The following ATAD5 variants were observed in gnomAD, a reference collection of about 807,000 sequenced individuals.
ATAD5 encodes the protein ATPase family AAA domain containing 5.
In ATAD5, 58 loss-of-function variants were observed where a neutral mutation model predicts 176.9. The ratio of observed to expected loss-of-function variants is 0.33; its 90% CI spans 0.27 to 0.41. The LOEUF is 0.41. ATAD5 is among the 10% of genes least tolerant of loss of function. The probability of loss-of-function intolerance (pLI) is 1.00; values close to 1 mark genes in which losing one functional copy is unlikely to be tolerated. For missense variants in ATAD5, 1,789 were observed against 2,094.1 expected (o/e 0.85, Z 2.84); for synonymous variants, 640 against 712.6 (o/e 0.90, Z 1.62).
chr17:30,893,955 C>G lies in ATAD5; in HGVS notation c.5102C>G (p.Thr1701Ser). The G allele has an allele frequency of 6.2e-7, 1 of 1,614,024 alleles. No homozygotes were observed. Among genetic ancestry groups the G allele is most frequent in the Non-Finnish European group, 8.5e-7 (1 of 1,179,920 alleles). Residue 1701 changes from threonine to serine, a missense_variant, in exon 21 of 23, where the codon ACT (threonine) becomes AGT (serine). By Grantham distance (58) the Thr-to-Ser change is moderately conservative (BLOSUM62 1). This residue lies in a region of ATAD5 where 403 missense variants were observed against 495.1 expected (regional missense o/e 0.81). Transcript: ENST00000321990. ...AGTCTTGAGAGTAATGATGGATGGACTTCTCAAAGCTCTGGAGAATTAAAG... is the reference window on the plus strand; with the variant it reads ...AGTCTTGAGAGTAATGATGGATGGAGTTCTCAAAGCTCTGGAGAATTAAAG... ...EFSLESNDGW[T>S]SQSSGELKAA... is the part of the protein sequence containing the mutation.
chr17:30,874,856 T>C (rs2094113229), intron 14 of ATAD5, among the ~76,000 whole-genome samples: 1 of 151,812 alleles, frequency 6.6e-6, no homozygotes, highest in African/African-American at 2.4e-5. Flanking sequence ...GTCTCAAACT[T>C]CTGACCTTGT....
rs1265344051 is a variant in ATAD5, at chr17:30,844,592, C to CA, written c.2369-237dup. On this transcript the variant is annotated intron_variant, in intron 5 of 22. Transcript: ENST00000321990. ...GACAGAGTCTTGCTCTACTAAAATA[C>CA]AAAAAATTAGCTGGGTGTGGTGGTA... Among the ~76,000 whole-genome samples, 6 of 132,214 alleles carry CA rather than the reference C, an allele frequency of 4.5e-5. No homozygotes were observed. In the East Asian group the frequency reaches 1.1e-3, roughly 24 times the overall value. 86.7% of individuals were successfully genotyped at this position (132,214 alleles called of 152,430 possible). A position where few individuals can be genotyped will look rare whatever the true frequency, so the allele number is the denominator to read the frequency against.
intron 17 of ATAD5, 123 bp from the exon 18 acceptor site, chr17:30,879,300 G>A: frequency 9.3e-7 from 1 of 1,074,096 alleles, no homozygotes; most frequent in South Asian, 1.5e-5. Context: ...CTGCACCACA[G>A]CACTAGGCAG....
At chr17:30,837,639 A>G (rs1250363260) in intron 3 of ATAD5, among the ~76,000 whole-genome samples, 2 of 152,212 alleles carry the variant, frequency 1.3e-5, no homozygotes, top group African/African-American at 4.8e-5. Flanking sequence ...CCATAGACTG[A>G]GTGGCTTAAA....
Position 30,858,200 on chromosome 17 carries a change from A to T in ATAD5, c.2833A>T (p.Asn945Tyr). Residue 945 changes from asparagine to tyrosine, a missense_variant, in exon 9 of 23, where the codon AAT (asparagine) becomes TAT (tyrosine). This residue lies in a region of ATAD5 where 487 missense variants were observed against 573.6 expected (regional missense o/e 0.85). Transcript: ENST00000321990. ...TRKEFTEEVRNLLLEEIRWSN... is the reference protein window; with the variant it reads ...TRKEFTEEVRYLLLEEIRWSN... Reference sequence around the variant, plus strand: ...GAAGGAATTTACTGAAGAAGTAAGAAATCTTTTGCTTGAGGAAATTAGGTG... The same window carrying T: ...GAAGGAATTTACTGAAGAAGTAAGATATCTTTTGCTTGAGGAAATTAGGTG... 6.3e-7 allele frequency: 1 copy of T among 1,587,652 alleles called. No individual in the cohort carries two copies. Among genetic ancestry groups the T allele is most frequent in the African/African-American group, 1.4e-5 (1 of 73,788 alleles).
intron 1 of ATAD5, among the ~76,000 whole-genome samples, chr17:30,833,164 T>C (rs1905485079): frequency 6.6e-6 from 1 of 152,158 alleles, no homozygotes; most frequent in Admixed American, 6.6e-5. Context: ...TCTGGTGACT[T>C]GTCTACTTAG....
chr17:30,854,024 CTT>C (rs2142356092), intron 6 of ATAD5, among the ~76,000 whole-genome samples: 1 of 151,438 alleles, frequency 6.6e-6, no homozygotes, highest in South Asian at 2.1e-4. Flanking sequence ...CTTTAAGTCA[CTT>C]TTTTCTATAC....
chr17:30,856,034 A>G (rs1440159916), intron 7 of ATAD5, among the ~76,000 whole-genome samples: 1 of 152,112 alleles, frequency 6.6e-6, no homozygotes, highest in Non-Finnish European at 1.5e-5. Flanking sequence ...GCATTTTCCA[A>G]TAGTATGTTC....
intron 19 of ATAD5, among the ~76,000 whole-genome samples, chr17:30,891,728 G>A (rs554450233): frequency 1.8e-4 from 26 of 147,928 alleles, no homozygotes; most frequent in African/African-American, 6.2e-4. Flanking sequence ...CTCTGTTGCC[G>A]AGGCTGGAGT....
At chr17:30,871,240 T>C (rs543138847) in intron 14 of ATAD5, among the ~76,000 whole-genome samples, 2 of 151,030 alleles carry the variant, frequency 1.3e-5, no homozygotes, top group African/African-American at 4.9e-5. Flanking sequence ...TTATATCTTC[T>C]GTGTTTCTAC....
intron 19 of ATAD5, among the ~76,000 whole-genome samples, chr17:30,891,015 C>T (rs1284523387): frequency 1.3e-5 from 2 of 152,196 alleles, no homozygotes; most frequent in African/African-American, 2.4e-5. Context: ...TACTTACAGA[C>T]ATTTACATTA....
chr17:30,883,563 T>G (rs531687957), intron 18 of ATAD5, among the ~76,000 whole-genome samples: 122 of 152,300 alleles, frequency 8.0e-4, no homozygotes, highest in African/African-American at 2.8e-3. Flanking sequence ...TATTATTTTT[T>G]GAGATGGAGT....
At chr17:30,876,779 C>T (rs1908710962) in intron 15 of ATAD5, among the ~76,000 whole-genome samples, 1 of 133,840 alleles carries the variant, frequency 7.5e-6, no homozygotes, top group African/African-American at 3.0e-5. Context: ...TGCAGTGGCA[C>T]AATTTTGGCT....
At chr17:30,845,504 C>G (rs1214484163) in intron 6 of ATAD5, among the ~76,000 whole-genome samples, 1 of 152,222 alleles carries the variant, frequency 6.6e-6, no homozygotes, top group South Asian at 2.1e-4. Flanking sequence ...GTCTCTGTAG[C>G]TGGAAGGAAC....
At chr17:30,860,910 A>ATT (rs535146170) in intron 10 of ATAD5, among the ~76,000 whole-genome samples, 1 of 143,256 alleles carries the variant, frequency 7.0e-6, no homozygotes. Context: ...CGCCCAGATA[A>ATT]TTTTTTTTTT....
In ATAD5 at chr17:30,840,653, CAATT is replaced by C. The variant is rs1432311978; in HGVS notation, c.2114_2117del (p.Gln705ArgfsTer15). 3.2e-6 allele frequency: 5 copies of C among 1,576,954 alleles called. No homozygotes were observed. Among genetic ancestry groups the C allele is most frequent in the African/African-American group, 1.4e-5 (1 of 73,512 alleles). On this transcript the variant is annotated frameshift_variant, in exon 4 of 23. Transcript: ENST00000321990. LOFTEE classifies it high-confidence loss of function. ...TTCAAAAAACATATCAAAAGCAAAA[CAATT>C]GATTGAAAAAGCAAAAGCTTTACAC...
intron 18 of ATAD5, among the ~76,000 whole-genome samples, chr17:30,880,279 C>T (rs1019872629): frequency 6.6e-6 from 1 of 151,530 alleles, no homozygotes; most frequent in African/African-American, 2.4e-5. Flanking sequence ...CACTGCATTC[C>T]AGCCTGGGTG....
chr17:30,869,746 CTACA>C, intron 14 of ATAD5, 100 bp downstream of exon 14: 1 of 1,328,346 alleles, frequency 7.5e-7, no homozygotes, highest in Non-Finnish European at 1.0e-6. Context: ...TTTTTATCTT[CTACA>C]CGTACACGTT....
chr17:30,858,417 C>T, intron 9 of ATAD5, 94 bp downstream of exon 9: 4 of 954,170 alleles, frequency 4.2e-6, no homozygotes, highest in Non-Finnish European at 5.5e-6. Context: ...CGGAGTTTTG[C>T]TCTTGTCGCC....
Sources: gnomAD v4.1 joint callset for allele counts (sites outside exome capture counted in the v4.1 genomes callset) on GRCh38, gnomAD v4.1.1 for gene constraint, gnomAD v4.1.1 regional missense constraint, MANE v1.5 for transcripts, NCBI Gene and HGNC (gene_info 2026-07-23, HGNC 2026-07-21) for gene names.